CTIF: variants seen among roughly 807,000 people sequenced by gnomAD.
The protein encoded by CTIF is CBP80/20-dependent translation initiation factor.
Under a neutral mutation model 66.0 loss-of-function variants are expected in CTIF, and 21 were observed. The ratio of observed to expected loss-of-function variants is 0.32; its 90% CI spans 0.23 to 0.46. CTIF has a LOEUF of 0.46. Ranked by LOEUF, CTIF falls within the 20% of genes least tolerant of loss-of-function variation. CTIF has a pLI of 1.00. For missense variants in CTIF, 739 were observed against 812.7 expected (o/e 0.91, Z 1.10); for synonymous variants, 345 against 326.4 (o/e 1.06, Z -0.62).
At chr18:48,852,752 C>T (rs1041562253) in intron 10 of CTIF, among the ~76,000 whole-genome samples, 13 of 152,160 alleles carry the variant, frequency 8.5e-5, no homozygotes, top group Non-Finnish European at 1.3e-4. Flanking sequence ...CTAGTGTACA[C>T]GTGTTGTATG....
chr18:48,626,112 T>C (rs997104513), intron 2 of CTIF, among the ~76,000 whole-genome samples: 2 of 145,208 alleles, frequency 1.4e-5, no homozygotes, highest in African/African-American at 5.1e-5. Context: ...CAAGCAACTC[T>C]CCTGTCAGCC....
chr18:48,811,678 G>C (rs1003677121), intron 9 of CTIF, among the ~76,000 whole-genome samples: 1 of 152,124 alleles, frequency 6.6e-6, no homozygotes, highest in African/African-American at 2.4e-5. Context: ...TTTGTGACTG[G>C]CTTATTTCAC....
intron 7 of CTIF, among the ~76,000 whole-genome samples, chr18:48,730,346 GGC>G (rs2092433038): frequency 9.3e-6 from 1 of 107,920 alleles, no homozygotes; most frequent in African/African-American, 2.8e-5. Context: ...CGGTGTGAGG[GGC>G]TCCTGCTGTG....
At chr18:48,700,623 G>C (rs1344318881) in intron 6 of CTIF, among the ~76,000 whole-genome samples, 1 of 152,244 alleles carries the variant, frequency 6.6e-6, no homozygotes, top group Non-Finnish European at 1.5e-5. Flanking sequence ...CTGCAGCAGA[G>C]TGTGCTCAGA....
chr18:48,784,199 G>A (rs947296964), intron 9 of CTIF, among the ~76,000 whole-genome samples: 4 of 152,202 alleles, frequency 2.6e-5, no homozygotes, highest in Non-Finnish European at 5.9e-5. Context: ...ACACCCAGAC[G>A]GCCCCGAGCA....
chr18:48,551,866 C>T (rs1270403841), intron 1 of CTIF, among the ~76,000 whole-genome samples: 3 of 151,670 alleles, frequency 2.0e-5, no homozygotes, highest in African/African-American at 4.8e-5. Context: ...GGCGCGATGT[C>T]GGCTCACTGC....
intron 9 of CTIF, among the ~76,000 whole-genome samples, chr18:48,790,456 A>C (rs1319216253): frequency 2.0e-5 from 3 of 152,244 alleles, no homozygotes; most frequent in African/African-American, 7.2e-5. Context: ...ATGAGTCACC[A>C]AGGGGCAGGC....
chr18:48,571,168 T>TTTTGTTTGTTTG (rs553996628), intron 1 of CTIF, among the ~76,000 whole-genome samples: 1 of 151,910 alleles, frequency 6.6e-6, no homozygotes, highest in South Asian at 2.1e-4. Context: ...TTGGGTTTGT[T>TTTTGTTTGTTTG]TTTGTTTGTT....
chr18:48,824,626 T>C (rs1242605483), intron 10 of CTIF, among the ~76,000 whole-genome samples: 1 of 152,036 alleles, frequency 6.6e-6, no homozygotes, highest in Non-Finnish European at 1.5e-5. Context: ...CTCTCCTTTT[T>C]TTTTTTGTTT....
chr18:48,589,304 G>A (rs999420137), intron 1 of CTIF, among the ~76,000 whole-genome samples: 1 of 152,146 alleles, frequency 6.6e-6, no homozygotes, highest in African/African-American at 2.4e-5. Flanking sequence ...CTGGCTCGAG[G>A]CAGCTCCCAA....
intron 6 of CTIF, among the ~76,000 whole-genome samples, chr18:48,679,757 G>C (rs2091707015): frequency 6.6e-6 from 1 of 152,128 alleles, no homozygotes; most frequent in South Asian, 2.1e-4. Context: ...TGGTTTTTTG[G>C]GGGTCTTGAT....
chr18:48,558,526 T>A (rs2089075093), intron 1 of CTIF, among the ~76,000 whole-genome samples: 2 of 152,234 alleles, frequency 1.3e-5, no homozygotes, highest in Admixed American at 6.5e-5. Flanking sequence ...CAAATATGGG[T>A]TCCTAAATGT....
Position 48,761,557 on chromosome 18 carries a change from C to A in CTIF, c.1239C>A (p.Ile413=), listed in dbSNP as rs139271263. Residue 413 remains isoleucine, a synonymous_variant, in exon 9 of 12, where the codon ATC becomes ATA. Transcript: ENST00000256413. This position sits in a 1 kb window ranked among gnomAD's most constrained non-coding sequence, Gnocchi z 4.2. Reference sequence around the variant, plus strand: ...ACTCCGAGGAGATGCTGGGCGAGATCGTGCGCACAATCTACCAGAAGGCTG... The same window carrying A: ...ACTCCGAGGAGATGCTGGGCGAGATAGTGCGCACAATCTACCAGAAGGCTG... The part of the protein sequence containing the change: ...STNSEEMLGE[I]VRTIYQKAVS... The A allele has an allele frequency of 1.2e-6, 2 of 1,614,196 alleles. No homozygotes were observed. The highest frequency in any genetic ancestry group is 1.7e-6 in the Non-Finnish European group (2 of 1,180,024).
intron 9 of CTIF, among the ~76,000 whole-genome samples, chr18:48,804,740 A>G (rs2068109742): frequency 6.6e-6 from 1 of 152,134 alleles, no homozygotes; most frequent in African/African-American, 2.4e-5. Context: ...GGCAGGGTCC[A>G]TGGGCTGCCA....
At chr18:48,663,261 G>C (rs533840746) in intron 3 of CTIF, among the ~76,000 whole-genome samples, 95 of 152,290 alleles carry the variant, frequency 6.2e-4, no homozygotes, top group African/African-American at 2.3e-3. Flanking sequence ...GGTCACATAG[G>C]GAACACTGGA....
chr18:48,755,459 G>C (rs1033907513), intron 7 of CTIF, among the ~76,000 whole-genome samples: 1 of 152,252 alleles, frequency 6.6e-6, no homozygotes, highest in Non-Finnish European at 1.5e-5. Flanking sequence ...CGGAAGGCCA[G>C]TTGGTGGTAG....
intron 1 of CTIF, among the ~76,000 whole-genome samples, chr18:48,599,861 A>G (rs903537954): frequency 6.6e-6 from 1 of 152,130 alleles, no homozygotes; most frequent in African/African-American, 2.4e-5. Flanking sequence ...GTGTGATGTG[A>G]TGAGCCCTAA....
chr18:48,583,541 G>A (rs916322207), intron 1 of CTIF, among the ~76,000 whole-genome samples: 1 of 152,150 alleles, frequency 6.6e-6, no homozygotes, highest in East Asian at 1.9e-4. Flanking sequence ...CTCCTGCTAT[G>A]CACTCTCCTC....
chr18:48,631,779 T>C (rs2144575621), intron 2 of CTIF, among the ~76,000 whole-genome samples: 1 of 152,230 alleles, frequency 6.6e-6, no homozygotes, highest in South Asian at 2.1e-4. Flanking sequence ...TTTCCCGCCT[T>C]TCTGTTTGAT....
Sources: gnomAD v4.1 joint callset for allele counts (sites outside exome capture counted in the v4.1 genomes callset) on GRCh38, gnomAD v4.1.1 for gene constraint, Gnocchi (gnomAD v3.1) non-coding constraint, MANE v1.5 for transcripts, NCBI Gene and HGNC (gene_info 2026-07-23, HGNC 2026-07-21) for gene names.